Variants in MARCHF5 observed in about 807,000 individuals in gnomAD.
MARCHF5 encodes membrane associated ring-CH-type finger 5, also known as E3 ubiquitin-protein ligase MARCHF5.
MARCHF5 carries 5 observed loss-of-function variants against 36.5 expected under a neutral mutation model. That is an observed-to-expected ratio of 0.14 (90% confidence interval 0.07 to 0.29). MARCHF5 has a LOEUF of 0.29. Among genes scored for constraint, MARCHF5 ranks in the 10% least tolerant of loss-of-function variants. The pLI is 1.00. For missense variants in MARCHF5, 179 were observed against 336.3 expected, an observed-to-expected ratio of 0.53 and a Z score of 3.66; for synonymous variants, 103 against 109.9, an observed-to-expected ratio of 0.94 and a Z score of 0.39.
intron 3 of MARCHF5, among the ~76,000 whole-genome samples, chr10:92,342,280 C>T (rs375013681): frequency 5.9e-5 from 9 of 152,024 alleles, no homozygotes; most frequent in African/African-American, 2.2e-4. Context: ...TCCCAAGTAG[C>T]TGGGACTACA....
intron 3 of MARCHF5, among the ~76,000 whole-genome samples, chr10:92,342,328 T>G (rs1843590723): frequency 6.6e-6 from 1 of 151,516 alleles, no homozygotes; most frequent in Admixed American, 6.6e-5. Flanking sequence ...TTTTATTTTT[T>G]GTAGAGATGG....
At chr10:92,309,847 A>G (rs1324679991) in intron 1 of MARCHF5, among the ~76,000 whole-genome samples, 1 of 152,172 alleles carries the variant, frequency 6.6e-6, no homozygotes, top group Non-Finnish European at 1.5e-5. Flanking sequence ...AAAAAAGAAC[A>G]AAGTATTTTT....
At chr10:92,334,094 G>A (rs749447126) in intron 2 of MARCHF5, among the ~76,000 whole-genome samples, 7 of 152,324 alleles carry the variant, frequency 4.6e-5, no homozygotes, top group South Asian at 2.1e-4. Flanking sequence ...GGAGGCTGAG[G>A]TGGGAGAATC....
chr10:92,333,332 G>C (rs1337671417), intron 2 of MARCHF5, among the ~76,000 whole-genome samples: 2 of 151,510 alleles, frequency 1.3e-5, no homozygotes, highest in African/African-American at 4.9e-5. Context: ...CCAGTGCCTT[G>C]TAGAAAAGGC....
chr10:92,349,510 A>G lies in MARCHF5; in HGVS notation c.531A>G (p.Gln177=). 1.2e-6 allele frequency: 2 copies of G among 1,613,628 alleles called. No individual in the cohort carries two copies. Among genetic ancestry groups the G allele is most frequent in the Non-Finnish European group, 1.7e-6 (2 of 1,179,858 alleles). Residue 177 remains glutamine, a synonymous_variant, in exon 4 of 6, where the codon CAA becomes CAG. Coordinates refer to ENST00000358935, the MANE Select transcript of MARCHF5 (RefSeq NM_017824.5). ...RLWRKYSNKL[Q]ILNSIFPGIG... ...GGCGCAAATACTCGAATAAACTACA[A>G]ATTTTAAATAGTATATTTCCAGGTA...
At position 92,351,435 on chromosome 10, in the gene MARCHF5, T is replaced by C. The variant is rs1336050195; in HGVS notation, c.*228T>C. ...ATGTACTACTTTTATGGCAGTCATA[T>C]GAACCATTATCTTAGCATGGTAAAC... On this transcript the variant is annotated 3_prime_UTR_variant, in exon 6 of 6. Coordinates refer to ENST00000358935, the MANE Select transcript of MARCHF5 (RefSeq NM_017824.5). The C allele has an allele frequency of 1.4e-5, 5 of 353,040 alleles. No individual in the cohort carries two copies. Among genetic ancestry groups the C allele is most frequent in the Non-Finnish European group, 2.5e-5 (5 of 197,654 alleles). The allele number at this position is 353,040 out of a possible 1,614,324, so 21.9% of individuals were successfully genotyped here.
intron 2 of MARCHF5, among the ~76,000 whole-genome samples, chr10:92,320,368 T>C (rs1843276457): frequency 6.6e-6 from 1 of 152,114 alleles, no homozygotes; most frequent in South Asian, 2.1e-4. Context: ...CTTGTTATCA[T>C]TATTTTAGAG....
intron 2 of MARCHF5, among the ~76,000 whole-genome samples, chr10:92,326,427 A>C (rs1387852014): frequency 1.3e-5 from 2 of 152,206 alleles, no homozygotes; most frequent in Admixed American, 6.5e-5. Flanking sequence ...GCAAGGAGCC[A>C]GAATTTTACA....
intron 2 of MARCHF5, among the ~76,000 whole-genome samples, chr10:92,319,333 T>C (rs1306302703): frequency 1.3e-5 from 2 of 151,290 alleles, no homozygotes; most frequent in Admixed American, 6.6e-5. Context: ...TTCGCTCTTG[T>C]CGCCCAGGCT....
At chr10:92,309,510 T>A (rs1264741186) in intron 1 of MARCHF5, among the ~76,000 whole-genome samples, 1 of 152,222 alleles carries the variant, frequency 6.6e-6, no homozygotes, top group Admixed American at 6.5e-5. Context: ...TAAGAAAGTA[T>A]GAGACTAAAG....
intron 2 of MARCHF5, 68 bp from the exon 3 acceptor site, chr10:92,340,605 A>G: frequency 6.9e-7 from 1 of 1,440,276 alleles, no homozygotes; most frequent in South Asian, 1.5e-5. Flanking sequence ...ATCTATAGAA[A>G]ATATCAAACA....
At position 92,351,775 on chromosome 10, in the gene MARCHF5, T is replaced by C. The variant is rs1329691295; in HGVS notation, c.*568T>C. ...ATTTTGTGGTGTTTTCTTTAACCCATGTGATGTCCTCCAAAATGTGTAGGG... is the reference window on the plus strand; with the variant it reads ...ATTTTGTGGTGTTTTCTTTAACCCACGTGATGTCCTCCAAAATGTGTAGGG... On this transcript the variant is annotated 3_prime_UTR_variant, in exon 6 of 6. Coordinates refer to ENST00000358935, the MANE Select transcript of MARCHF5 (RefSeq NM_017824.5). 1 of 152,672 alleles carries C rather than the reference T, an allele frequency of 6.5e-6. No individual in the cohort carries two copies. The highest frequency in any genetic ancestry group is 2.4e-5 in the African/African-American group (1 of 41,472). 9.5% of individuals were successfully genotyped at this position (152,672 alleles called of 1,614,324 possible). A position where few individuals can be genotyped will look rare whatever the true frequency, so the allele number is the denominator to read the frequency against.
At chr10:92,319,655 T>G (rs1288439383) in intron 2 of MARCHF5, among the ~76,000 whole-genome samples, 1 of 78,266 alleles carries the variant, frequency 1.3e-5, no homozygotes, top group Admixed American at 1.4e-4. Context: ...TGTTTTTTTG[T>G]TTTTTGTTTT....
intron 3 of MARCHF5, among the ~76,000 whole-genome samples, chr10:92,341,897 T>C (rs1209216255): frequency 6.6e-6 from 1 of 150,968 alleles, no homozygotes; most frequent in East Asian, 2.0e-4. Flanking sequence ...CTCAGTCATC[T>C]GTCCACCTTA....
In MARCHF5 at chr10:92,314,748, GCCCC is replaced by G. The variant is rs869277487; in HGVS notation, c.238+3417_238+3420del. On this transcript the variant is annotated intron_variant, in intron 2 of 5. Transcript: ENST00000358935. Reference sequence around the variant, plus strand: ...GTATTTGCTGCTGCTGCTTCCCCCCGCCCCCCCCCGCCAATAGAGGTTGGGTCTT... The same window carrying G: ...GTATTTGCTGCTGCTGCTTCCCCCCGCCCCCGCCAATAGAGGTTGGGTCTT... Among the ~76,000 whole-genome samples the G allele has an allele frequency of 3.7e-3, 39 of 10,664 alleles. 1 individual carries two copies. Among genetic ancestry groups the G allele is most frequent in the Admixed American group, 9.8e-3 (9 of 920 alleles). The allele number at this position is 10,664 out of a possible 152,430, so 7.0% of individuals were successfully genotyped here.
intron 2 of MARCHF5, among the ~76,000 whole-genome samples, chr10:92,332,912 C>G (rs2135207221): frequency 6.6e-6 from 1 of 151,958 alleles, no homozygotes; most frequent in East Asian, 2.0e-4. Flanking sequence ...CGCCTGTAAT[C>G]CCAGCACTTT....
chr10:92,329,478 T>G (rs1363479918), intron 2 of MARCHF5, among the ~76,000 whole-genome samples: 1 of 152,188 alleles, frequency 6.6e-6, no homozygotes, highest in Non-Finnish European at 1.5e-5. Context: ...TATTTTTGAC[T>G]GATAAATCCC....
intron 3 of MARCHF5, among the ~76,000 whole-genome samples, chr10:92,348,787 T>G (rs2096011424): frequency 1.3e-5 from 2 of 152,068 alleles, no homozygotes; most frequent in African/African-American, 4.8e-5. Flanking sequence ...ACCTTGGAAG[T>G]GCACTTAAGG....
intron 1 of MARCHF5, among the ~76,000 whole-genome samples, chr10:92,304,227 TGAATG>T (rs929916753): frequency 2.0e-5 from 3 of 152,154 alleles, no homozygotes; most frequent in African/African-American, 7.2e-5. Context: ...TTTAGGAACT[TGAATG>T]GAAAGCTGAC....
Sources: allele counts gnomAD v4.1 joint callset (sites outside exome capture counted in the v4.1 genomes callset), GRCh38; gene constraint gnomAD v4.1.1; transcripts MANE v1.5; gene names NCBI Gene and HGNC (gene_info 2026-07-23, HGNC 2026-07-21).